Variants in SLA observed in about 807,000 individuals in gnomAD.
SLA encodes the protein Src like adaptor, also known as src-like-adapter.
In SLA, 16 loss-of-function variants were observed where a neutral mutation model predicts 30.3. The observed-to-expected ratio is 0.53, with a 90% CI of 0.36 to 0.80. The LOEUF is 0.80. Ranked by LOEUF, SLA falls within the 30% of genes least tolerant of loss-of-function variation. The pLI is 0.01. For synonymous variants in SLA, 143 were observed against 137.8 expected, an observed-to-expected ratio of 1.04 and a Z score of -0.26; for missense variants, 310 against 345.2, an observed-to-expected ratio of 0.90 and a Z score of 0.81.
At chr8:133,043,344 C>A (rs183969113) in intron 7 of SLA, among the ~76,000 whole-genome samples, 35 of 152,288 alleles carry the variant, frequency 2.3e-4, no homozygotes, top group Admixed American at 2.0e-3. Context: ...CTCCACACCC[C>A]CTCCGATGGT....
At chr8:133,088,799 T>C (rs1847022722) in intron 1 of SLA, among the ~76,000 whole-genome samples, 1 of 152,206 alleles carries the variant, frequency 6.6e-6, no homozygotes, top group South Asian at 2.1e-4. Flanking sequence ...ACGAATTGTA[T>C]TAATTACTGT....
chr8:133,048,815 G>T (rs2253035), intron 5 of SLA: 1 of 169,660 alleles, frequency 5.9e-6, no homozygotes, highest in Non-Finnish European at 1.3e-5. Flanking sequence ...CATGGAAGTG[G>T]CATCTGGTAT....
intron 2 of SLA, among the ~76,000 whole-genome samples, chr8:133,069,030 CT>C (rs1339678904): frequency 6.6e-6 from 1 of 152,222 alleles, no homozygotes; most frequent in Non-Finnish European, 1.5e-5. Flanking sequence ...TATTTTAATC[CT>C]AGCCATTACA....
At position 133,037,118 on chromosome 8, in the gene SLA, G is replaced by A. The variant is rs1837249067; in HGVS notation, c.*1406C>T. ...GCTCAGATGGACGGAATGCTTATGT[G>A]AGCAGACAGACAGGGAGAGATACTG... is the stretch of plus-strand genomic sequence containing the variant. On this transcript the variant is annotated 3_prime_UTR_variant, in exon 9 of 9. Transcript: ENST00000338087. 6.6e-6 allele frequency: 1 copy of A among 152,202 alleles called. No homozygotes were observed. 9.4% of individuals were successfully genotyped at this position (152,202 alleles called of 1,614,324 possible).
intron 6 of SLA, chr8:133,047,194 G>C (rs1027265745): frequency 1.3e-5 from 2 of 152,342 alleles, no homozygotes; most frequent in Non-Finnish European, 2.9e-5. Flanking sequence ...TCATGACAAA[G>C]AGCTCACTCT....
chr8:133,041,235 C>T (rs923299395), intron 7 of SLA, among the ~76,000 whole-genome samples: 3 of 152,190 alleles, frequency 2.0e-5, no homozygotes, highest in Non-Finnish European at 4.4e-5. Context: ...ACCAGGTTTT[C>T]GACAGCACGT....
At chr8:133,095,578 G>A (rs1204420656) in intron 1 of SLA, among the ~76,000 whole-genome samples, 1 of 152,252 alleles carries the variant, frequency 6.6e-6, no homozygotes, top group South Asian at 2.1e-4. Flanking sequence ...ACAGCTAGAT[G>A]TGTTGAGTAT....
At chr8:133,051,677 G>A (rs73361226) in intron 3 of SLA, among the ~76,000 whole-genome samples, 15 of 152,324 alleles carry the variant, frequency 9.8e-5, no homozygotes, top group African/African-American at 3.6e-4. Flanking sequence ...AGGAGAGACA[G>A]TGATTTTGCT....
chr8:133,075,076 A>T lies in SLA; in HGVS notation c.-264T>A. ...AACGAGGAAGGCACAGGGCTTGCAG[A>T]AGGGCAGGTTCCTGTTTTCAGTAAC... On this transcript the variant is annotated 5_prime_UTR_variant, in exon 2 of 9. Coordinates refer to ENST00000338087, the MANE Select transcript of SLA (RefSeq NM_001045556.3). 1.0e-6 allele frequency: 1 copy of T among 985,420 alleles called. No individual in the cohort carries two copies. The highest frequency in any genetic ancestry group is 1.2e-6 in the Non-Finnish European group (1 of 829,918). The allele number at this position is 985,420 out of a possible 1,614,324, so 61.0% of individuals were successfully genotyped here. A position where few individuals can be genotyped will look rare whatever the true frequency, so the allele number is the denominator to read the frequency against.
chr8:133,060,352 A>G (rs1842196344), intron 2 of SLA, 152 bp from the exon 3 acceptor site: 7 of 1,544,948 alleles, frequency 4.5e-6, no homozygotes, highest in Non-Finnish European at 6.1e-6. Flanking sequence ...ATTGGTGAAG[A>G]TTGGTTACTT....
chr8:133,056,119 C>T (rs1841405784), intron 3 of SLA, among the ~76,000 whole-genome samples: 1 of 152,126 alleles, frequency 6.6e-6, no homozygotes, highest in Admixed American at 6.5e-5. Flanking sequence ...CTCAGGTCTC[C>T]TTTGACATAG....
At chr8:133,096,980 C>T (rs1848513130) in intron 1 of SLA, among the ~76,000 whole-genome samples, 1 of 152,172 alleles carries the variant, frequency 6.6e-6, no homozygotes, top group African/African-American at 2.4e-5. Context: ...TGTGGCTAAC[C>T]CTGGAAGAGG....
chr8:133,039,869 C>A (rs1209255535), intron 8 of SLA, 129 bp downstream of exon 8: 48 of 1,452,358 alleles, frequency 3.3e-5, no homozygotes, highest in Non-Finnish European at 4.1e-5. Context: ...CCAGTTTCAG[C>A]AGGGCTGGCT....
intron 7 of SLA, among the ~76,000 whole-genome samples, chr8:133,044,159 A>C (rs1206179854): frequency 6.6e-6 from 1 of 152,132 alleles, no homozygotes; most frequent in Non-Finnish European, 1.5e-5. Flanking sequence ...GAGCTTCCTG[A>C]GTGGGTTTTT....
intron 1 of SLA, chr8:133,096,146 T>C: frequency 6.3e-7 from 1 of 1,597,082 alleles, no homozygotes; most frequent in South Asian, 1.1e-5. Flanking sequence ...AAGACCTCTT[T>C]ATGCAAAGCA....
chr8:133,052,440 C>T (rs1840587339), intron 3 of SLA, among the ~76,000 whole-genome samples: 1 of 152,166 alleles, frequency 6.6e-6, no homozygotes, highest in Admixed American at 6.5e-5. Context: ...GGGATCAGGG[C>T]TTTTGAGAAA....
intron 5 of SLA, 93 bp from the exon 6 acceptor site, chr8:133,048,026 C>A (rs965361140): frequency 4.5e-5 from 31 of 687,842 alleles, no homozygotes; most frequent in Non-Finnish European, 6.6e-5. Context: ...GCACCTGAAA[C>A]CTAATCCTCA....
intron 2 of SLA, among the ~76,000 whole-genome samples, chr8:133,066,187 G>C (rs977342636): frequency 2.0e-5 from 3 of 152,024 alleles, no homozygotes; most frequent in African/African-American, 7.2e-5. Context: ...TTAGCCGGGC[G>C]TGGTGGCAGG....
intron 1 of SLA, among the ~76,000 whole-genome samples, chr8:133,101,266 G>A (rs1849217489): frequency 6.6e-6 from 1 of 152,196 alleles, no homozygotes; most frequent in African/African-American, 2.4e-5. Flanking sequence ...ACTGAGTTAT[G>A]AGCTATGCTC....
Sources: gnomAD v4.1 joint callset for allele counts (sites outside exome capture counted in the v4.1 genomes callset) on GRCh38, gnomAD v4.1.1 for gene constraint, MANE v1.5 for transcripts, NCBI Gene and HGNC (gene_info 2026-07-23, HGNC 2026-07-21) for gene names.